Variants in CNTLN observed in about 807,000 individuals in gnomAD.
CNTLN encodes centlein, centrosomal protein.
A neutral mutation model predicts 180.0 loss-of-function variants in CNTLN; 212 were observed. The observed-to-expected ratio is 1.18, with a 90% CI of 1.05 to 1.32. CNTLN has a LOEUF of 1.32. Among genes scored for constraint, CNTLN ranks in the 40% most tolerant of loss-of-function variants. The pLI is 0.00. For missense variants in CNTLN, 2,095 were observed against 1,610.9 expected, an observed-to-expected ratio of 1.30 and a Z score of -5.14; for synonymous variants, 722 against 563.1, an observed-to-expected ratio of 1.28 and a Z score of -3.99.
intron 6 of CNTLN, 117 bp from the exon 7 acceptor site, chr9:17,298,073 C>A: frequency 1.4e-6 from 1 of 694,882 alleles, no homozygotes; most frequent in Non-Finnish European, 2.2e-6. Flanking sequence ...AGTTTGCCTG[C>A]AGTACAAATA....
At chr9:17,287,986 G>GT (rs1829099003) in intron 6 of CNTLN, among the ~76,000 whole-genome samples, 1 of 139,724 alleles carries the variant, frequency 7.2e-6, no homozygotes, top group Admixed American at 7.1e-5. Context: ...TTTTTGAAGG[G>GT]TTTTTTGTGT....
chr9:17,418,146 G>A (rs1370640411), intron 18 of CNTLN, among the ~76,000 whole-genome samples: 1 of 151,844 alleles, frequency 6.6e-6, no homozygotes, highest in African/African-American at 2.4e-5. Context: ...TTCTTTAGAT[G>A]ATAGAAAGGT....
At chr9:17,265,742 C>G (rs1161092273) in intron 5 of CNTLN, among the ~76,000 whole-genome samples, 2 of 152,120 alleles carry the variant, frequency 1.3e-5, no homozygotes, top group Non-Finnish European at 2.9e-5. Flanking sequence ...TTCAGAGACT[C>G]AACTTCTTCC....
At chr9:17,440,588 C>CAA (rs35350865) in intron 18 of CNTLN, among the ~76,000 whole-genome samples, 54,785 of 114,158 alleles carry the variant, frequency 0.48, 13,239 homozygotes, top group Non-Finnish European at 0.59. Context: ...GACTCCGTCT[C>CAA]AAAAAAAAAA....
intron 5 of CNTLN, among the ~76,000 whole-genome samples, chr9:17,270,163 A>T (rs1254709593): frequency 2.0e-5 from 3 of 152,086 alleles, no homozygotes; most frequent in Non-Finnish European, 4.4e-5. Context: ...TATTACCTAA[A>T]ATCCCCAGGA....
chr9:17,178,534 A>T (rs1484370392), intron 2 of CNTLN, among the ~76,000 whole-genome samples: 4 of 151,148 alleles, frequency 2.6e-5, no homozygotes, highest in Non-Finnish European at 3.0e-5. Flanking sequence ...TGCATGGGGG[A>T]CTCAGGCATG....
intron 6 of CNTLN, among the ~76,000 whole-genome samples, chr9:17,280,994 A>G (rs1828624652): frequency 6.6e-6 from 1 of 152,196 alleles, no homozygotes; most frequent in Non-Finnish European, 1.5e-5. Context: ...CATAAGACAC[A>G]TATTTAATAA....
At chr9:17,189,575 C>G (rs559068882) in intron 2 of CNTLN, among the ~76,000 whole-genome samples, 2 of 151,890 alleles carry the variant, frequency 1.3e-5, no homozygotes, top group South Asian at 4.2e-4. Flanking sequence ...CCTCCGCCTC[C>G]CAGGTTCAAG....
At chr9:17,283,406 G>A (rs1344345936) in intron 6 of CNTLN, among the ~76,000 whole-genome samples, 1 of 151,980 alleles carries the variant, frequency 6.6e-6, no homozygotes, top group African/African-American at 2.4e-5. Flanking sequence ...CTTGTCTATT[G>A]TTAGTGTATG....
At chr9:17,422,022 C>T (rs915974528) in intron 18 of CNTLN, among the ~76,000 whole-genome samples, 2 of 152,094 alleles carry the variant, frequency 1.3e-5, no homozygotes, top group Admixed American at 1.3e-4. Flanking sequence ...TGCTTATCTA[C>T]ATCCTTTTCT....
Position 17,486,996 on chromosome 9 carries a change from A to G in CNTLN, c.4049A>G (p.Glu1350Gly). The stretch of plus-strand genomic sequence containing the variant: ...TTTATTTTTTTTCTTCAGGAAATTG[A>G]AAAAACAAAAATTGATGCTGAAAAT... ...ILDTEDQVEI[E>G]KTKIDAENDK... is the part of the protein sequence containing the mutation. Residue 1350 changes from glutamate to glycine, a missense_variant, in exon 25 of 26, where the codon GAA (glutamate) becomes GGA (glycine). Physicochemically the swap from Glu to Gly is moderately conservative, Grantham distance 98. Transcript: ENST00000380647. 1 of 1,575,184 alleles carries G rather than the reference A, an allele frequency of 6.3e-7. No individual in the cohort carries two copies.
At chr9:17,338,396 C>T (rs1333333393) in intron 10 of CNTLN, among the ~76,000 whole-genome samples, 3 of 132,476 alleles carry the variant, frequency 2.3e-5, no homozygotes, top group Non-Finnish European at 4.7e-5. Flanking sequence ...CGGTCTCAAA[C>T]TCCTGACCTC....
chr9:17,152,409 C>T (rs185106764), intron 2 of CNTLN, among the ~76,000 whole-genome samples: 4 of 152,204 alleles, frequency 2.6e-5, no homozygotes, highest in South Asian at 2.1e-4. Context: ...GCCTTCATTT[C>T]GTTATTTACC....
intron 5 of CNTLN, among the ~76,000 whole-genome samples, chr9:17,273,016 AGT>A (rs1303764385): frequency 6.6e-6 from 1 of 151,924 alleles, no homozygotes; most frequent in Admixed American, 6.6e-5. Flanking sequence ...AGGAATTTCT[AGT>A]GCTTTATCTA....
At chr9:17,142,485 T>C (rs372986331) in intron 1 of CNTLN, among the ~76,000 whole-genome samples, 1 of 152,024 alleles carries the variant, frequency 6.6e-6, no homozygotes. Flanking sequence ...ATTTAAGATA[T>C]CTATTAGATT....
intron 2 of CNTLN, among the ~76,000 whole-genome samples, chr9:17,159,330 GTC>G (rs1819515893): frequency 6.6e-6 from 1 of 152,136 alleles, no homozygotes; most frequent in Admixed American, 6.5e-5. Context: ...TTCAAGCAAA[GTC>G]TCTGAGTCAG....
At chr9:17,457,405 AT>A (rs1208973482) in intron 18 of CNTLN, 118 bp from the exon 19 acceptor site, 2 of 567,866 alleles carry the variant, frequency 3.5e-6, no homozygotes, top group East Asian at 8.4e-5. Context: ...AATAACTATA[AT>A]TAATTTCAGT....
Position 17,376,061 on chromosome 9 carries a change from G to T in CNTLN, c.1987+9344G>T, listed in dbSNP as rs149334741. Among the ~76,000 whole-genome samples, 10 of 152,164 alleles carry T rather than the reference G, an allele frequency of 6.6e-5. No individual in the cohort carries two copies. The East Asian group carries it at 1.9e-3, about 29-fold the overall frequency. ...TTGTTGCTCCAATGCTCGCATTCAG[G>T]TTACTGGTGACTTGTTAAGGCCAAT... On this transcript the variant is annotated intron_variant, in intron 13 of 25. Coordinates refer to ENST00000380647, the MANE Select transcript of CNTLN (RefSeq NM_017738.4).
the CNTLN span, among the ~76,000 whole-genome samples, chr9:17,517,592 C>T: frequency 6.6e-6 from 1 of 151,766 alleles, no homozygotes; most frequent in Non-Finnish European, 1.5e-5. Flanking sequence ...CATGTGCAGA[C>T]GGAGGTATAG....
Sources: allele counts gnomAD v4.1 joint callset (sites outside exome capture counted in the v4.1 genomes callset), GRCh38; gene constraint gnomAD v4.1.1; transcripts MANE v1.5; gene names NCBI Gene and HGNC (gene_info 2026-07-23, HGNC 2026-07-21).